ACSS1: variants seen among roughly 807,000 people sequenced by gnomAD.
The protein encoded by ACSS1 is acetyl-coenzyme A synthetase 2-like, mitochondrial.
ACSS1 carries 42 observed loss-of-function variants against 75.3 expected under a neutral mutation model. That is an observed-to-expected ratio of 0.56 (90% CI 0.44 to 0.72). The LOEUF (loss-of-function observed/expected upper bound fraction) is 0.72. Among genes scored for constraint, ACSS1 ranks in the 30% least tolerant of loss-of-function variants. ACSS1 has a pLI of 0.00. For synonymous variants in ACSS1, 380 were observed against 376.8 expected, an observed-to-expected ratio of 1.01 and a Z score of -0.10; for missense variants, 782 against 935.7, an observed-to-expected ratio of 0.84 and a Z score of 2.14.
chr20:25,050,921 C>T (rs2089166522), intron 1 of ACSS1, among the ~76,000 whole-genome samples: 1 of 152,144 alleles, frequency 6.6e-6, no homozygotes, highest in Non-Finnish European at 1.5e-5. Flanking sequence ...GTGTCCCTGT[C>T]TTTCCAGGGC....
chr20:25,044,447 G>A lies in ACSS1; in HGVS notation c.431+3638C>T, dbSNP rs540833173. ...TCCAGACCAACCTGGGCAGCATAGC[G>A]AGACTCCATCTCTACAAAAAATAAA... On this transcript the variant is annotated intron_variant, in intron 2 of 13. Transcript: ENST00000323482. Among the ~76,000 whole-genome samples, 264 of 152,242 alleles carry A rather than the reference G, an allele frequency of 1.7e-3. 1 individual carries two copies. The highest frequency in any genetic ancestry group is 2.4e-3 in the Non-Finnish European group (166 of 68,010).
chr20:25,056,955 C>T (rs775871197), intron 1 of ACSS1, among the ~76,000 whole-genome samples: 1 of 152,324 alleles, frequency 6.6e-6, no homozygotes, highest in East Asian at 1.9e-4. Context: ...GCCCAGTCAG[C>T]GCCTTAGGTG....
At chr20:25,042,020 G>C (rs1004717055) in intron 2 of ACSS1, among the ~76,000 whole-genome samples, 1 of 152,108 alleles carries the variant, frequency 6.6e-6, no homozygotes, top group South Asian at 2.1e-4. Flanking sequence ...GCCCAGTCAG[G>C]TTCCACAACC....
At chr20:25,026,078 C>A (rs1269499843) in intron 3 of ACSS1, among the ~76,000 whole-genome samples, 2 of 152,142 alleles carry the variant, frequency 1.3e-5, no homozygotes, top group Non-Finnish European at 2.9e-5. Context: ...CCTCAAGCAG[C>A]CTAAAGCAAG....
chr20:25,012,017 C>G, intron 12 of ACSS1: 1 of 156,432 alleles, frequency 6.4e-6, no homozygotes, highest in Non-Finnish European at 1.4e-5. Context: ...ACCCAGCCAC[C>G]AAGAAGCTGG....
chr20:25,052,752 C>A (rs984849063), intron 1 of ACSS1, among the ~76,000 whole-genome samples: 4 of 152,264 alleles, frequency 2.6e-5, no homozygotes, highest in African/African-American at 9.6e-5. Flanking sequence ...ACAAGCCATG[C>A]GGAGCTGAGG....
At chr20:25,008,054 T>G in intron 13 of ACSS1, 113 bp from the exon 14 acceptor site, 1 of 1,344,354 alleles carries the variant, frequency 7.4e-7, no homozygotes, top group Non-Finnish European at 1.0e-6. Flanking sequence ...CTCCCGGGGA[T>G]CCACAGTGGA....
Position 25,012,852 on chromosome 20 carries a change from C to T in ACSS1, c.1667G>A (p.Ser556Asn). The T allele has an allele frequency of 6.2e-7, 1 of 1,614,196 alleles. No homozygotes were observed. The highest frequency in any genetic ancestry group is 8.5e-7 in the Non-Finnish European group (1 of 1,180,038). The change falls in exon 11 of 14, where the codon AGT becomes AAT. Residue 556 changes from serine to asparagine, a missense_variant. This residue lies in a region of ACSS1 where 405 missense variants were observed against 552.6 expected (regional missense o/e 0.73). Transcript: ENST00000323482. Reference protein sequence around the residue: ...TGRMDDVINISGHRLGTAEIE... With the variant: ...TGRMDDVININGHRLGTAEIE... ...CTCTGCGGTCCCCAGCCGGTGGCCA[C>T]TGATGTTGATGACATCATCCATCCG...
chr20:25,006,951 T>TG lies in ACSS1; in HGVS notation c.*810dup. ...GTTGCCTCTCCTATCAAGAGGCATCTGGGGGCACAAAAATCTTTCTGGATC... is the reference window on the plus strand; with the variant it reads ...GTTGCCTCTCCTATCAAGAGGCATCTGGGGGGCACAAAAATCTTTCTGGATC... On this transcript the variant is annotated 3_prime_UTR_variant, in exon 14 of 14. Coordinates refer to ENST00000323482, the MANE Select transcript of ACSS1 (RefSeq NM_032501.4). 6.5e-7 allele frequency: 1 copy of TG among 1,535,352 alleles called. No homozygotes were observed.
chr20:25,014,120 G>T (rs757332481), intron 8 of ACSS1, 47 bp from the exon 9 acceptor site: 1 of 1,477,882 alleles, frequency 6.8e-7, no homozygotes, highest in South Asian at 1.2e-5. Flanking sequence ...CCGGACCCAG[G>T]GATACGTGTA....
chr20:25,032,245 G>C, intron 2 of ACSS1: 1 of 874,768 alleles, frequency 1.1e-6, no homozygotes, highest in South Asian at 4.7e-5. Context: ...CACCACTCAG[G>C]GCGCATCATC....
rs1204018029 is a variant in ACSS1, at chr20:25,044,975, A to G, written c.431+3110T>C. The stretch of plus-strand genomic sequence containing the variant: ...GGAGGAAGCGGGGCAAAACCGCGGC[A>G]GGGGAGGGGGTCCTCCTCTCCAAGC... On this transcript the variant is annotated intron_variant, in intron 2 of 13. Coordinates refer to ENST00000323482, the MANE Select transcript of ACSS1 (RefSeq NM_032501.4). Among the ~76,000 whole-genome samples the G allele has an allele frequency of 4.6e-5, 7 of 152,244 alleles. No homozygotes were observed. The East Asian group carries it at 1.3e-3, about 29-fold the overall frequency.
At chr20:25,038,273 G>A (rs1003562208) in intron 2 of ACSS1, among the ~76,000 whole-genome samples, 1 of 152,158 alleles carries the variant, frequency 6.6e-6, no homozygotes, top group Non-Finnish European at 1.5e-5. Context: ...GGAGTCTCAC[G>A]GGAGGCCAAA....
intron 13 of ACSS1, 103 bp from the exon 14 acceptor site, chr20:25,008,044 C>T (rs1379489125): frequency 7.1e-7 from 1 of 1,407,312 alleles, no homozygotes; most frequent in Non-Finnish European, 9.5e-7. Context: ...GGGGGATGCC[C>T]TCCCGGGGAT....
At chr20:25,042,434 G>A (rs1239526786) in intron 2 of ACSS1, among the ~76,000 whole-genome samples, 1 of 152,108 alleles carries the variant, frequency 6.6e-6, no homozygotes, top group Admixed American at 6.5e-5. Context: ...AGCTAGGCCG[G>A]GACTCCACGC....
intron 7 of ACSS1, among the ~76,000 whole-genome samples, chr20:25,016,588 C>A (rs191752581): frequency 1.1e-4 from 16 of 152,338 alleles, no homozygotes; most frequent in African/African-American, 3.8e-4. Flanking sequence ...AGCAGTGGCC[C>A]CCGCATCCAT....
At chr20:25,019,295 C>T (rs927813505) in intron 7 of ACSS1, among the ~76,000 whole-genome samples, 10 of 152,256 alleles carry the variant, frequency 6.6e-5, no homozygotes, top group African/African-American at 2.4e-4. Flanking sequence ...AAGACAGACA[C>T]TGCTGATACT....
At chr20:25,014,121 G>A in intron 8 of ACSS1, 48 bp from the exon 9 acceptor site, 5 of 1,471,644 alleles carry the variant, frequency 3.4e-6, no homozygotes, top group Non-Finnish European at 4.6e-6. Context: ...CGGACCCAGG[G>A]ATACGTGTAT....
intron 3 of ACSS1, among the ~76,000 whole-genome samples, chr20:25,029,960 GAGAGGA>G (rs1555852303): frequency 6.6e-6 from 1 of 152,220 alleles, no homozygotes; most frequent in Non-Finnish European, 1.5e-5. Context: ...GAGTTCTAGA[GAGAGGA>G]AGAAAAAGAG....
Sources: allele counts gnomAD v4.1 joint callset (sites outside exome capture counted in the v4.1 genomes callset), GRCh38; gene constraint gnomAD v4.1.1; regional missense constraint gnomAD v4.1.1; transcripts MANE v1.5; gene names NCBI Gene and HGNC (gene_info 2026-07-23, HGNC 2026-07-21).